Variants in PSTPIP1 observed in about 807,000 individuals in gnomAD.
PSTPIP1 encodes proline-serine-threonine phosphatase-interacting protein 1.
Under a neutral mutation model 69.6 loss-of-function variants are expected in PSTPIP1, and 66 were observed. That is an observed-to-expected ratio of 0.95 (90% CI 0.78 to 1.16). The LOEUF (loss-of-function observed/expected upper bound fraction) is 1.16, where lower values mean the gene tolerates loss of function less well. PSTPIP1 is among the 50% of genes most tolerant of loss of function. The probability of loss-of-function intolerance (pLI) is 0.00; values close to 1 mark genes in which losing one functional copy is unlikely to be tolerated. For synonymous variants in PSTPIP1, 266 were observed against 222.7 expected (o/e 1.19, Z -1.73); for missense variants, 603 against 557.4 (o/e 1.08, Z -0.82).
rs1044456105 is a variant in PSTPIP1, at chr15:77,029,515, C to T, written c.517-14C>T. 1 of 1,572,956 alleles carries T rather than the reference C, an allele frequency of 6.4e-7. No individual in the cohort carries two copies. The highest frequency in any genetic ancestry group is 1.4e-5 in the African/African-American group (1 of 73,950). The stretch of plus-strand genomic sequence containing the variant: ...GGGCAGGGGCTTAGCGCTGCTTCCC[C>T]TCTGTTTCCTCAGAGTCAGAACAAA... On this transcript the variant is annotated splice_polypyrimidine_tract_variant and intron_variant, in intron 7 of 14. Coordinates refer to ENST00000558012, the MANE Select transcript of PSTPIP1 (RefSeq NM_003978.5).
chr15:77,000,145 C>T (rs1377040809), intron 1 of PSTPIP1, among the ~76,000 whole-genome samples: 1 of 152,196 alleles, frequency 6.6e-6, no homozygotes, highest in Non-Finnish European at 1.5e-5. Flanking sequence ...AGCTGAGCCT[C>T]CCCAAGCCCA....
chr15:77,028,379 C>A (rs751147841), intron 6 of PSTPIP1, 175 bp from the exon 7 acceptor site: 3 of 568,728 alleles, frequency 5.3e-6, no homozygotes, highest in Non-Finnish European at 9.4e-6. Flanking sequence ...CAGCAGCCCC[C>A]ACGCCTTCTC....
At chr15:77,015,873 G>A in intron 1 of PSTPIP1, 2 of 453,810 alleles carry the variant, frequency 4.4e-6, no homozygotes, top group South Asian at 1.6e-5. Context: ...CCTGCCAGCA[G>A]CCCAAAGCTC....
At position 77,028,363 on chromosome 15, in the gene PSTPIP1, G is replaced by A. The variant is rs999177834; in HGVS notation, c.418-191G>A. 13 of 553,310 alleles carry A rather than the reference G, an allele frequency of 2.3e-5. No individual in the cohort carries two copies. The African/African-American group carries it at 2.5e-4, about 11-fold the overall frequency. The allele number at this position is 553,310 out of a possible 1,614,324, so 34.3% of individuals were successfully genotyped here. A position where few individuals can be genotyped will look rare whatever the true frequency, so the allele number is the denominator to read the frequency against. On this transcript the variant is annotated intron_variant, in intron 6 of 14. Coordinates refer to ENST00000558012, the MANE Select transcript of PSTPIP1 (RefSeq NM_003978.5). ...CTCAGTGGGGAGGGCCTGAGAGCAG[G>A]ACTACCAGCAGCCCCCACGCCTTCT... is the stretch of plus-strand genomic sequence containing the variant.
chr15:77,030,887 A>C (rs1008387435), intron 9 of PSTPIP1, among the ~76,000 whole-genome samples: 4 of 152,194 alleles, frequency 2.6e-5, no homozygotes, highest in African/African-American at 9.6e-5. Flanking sequence ...GGGCCTGGGG[A>C]ACAGGGCTCA....
intron 1 of PSTPIP1, among the ~76,000 whole-genome samples, chr15:77,002,068 T>G (rs1250616815): frequency 6.6e-6 from 1 of 152,282 alleles, no homozygotes; most frequent in African/African-American, 2.4e-5. Flanking sequence ...CATCATCCCC[T>G]GAGGAGCAGC....
At chr15:77,002,310 CTTTAA>C (rs535671830) in intron 1 of PSTPIP1, among the ~76,000 whole-genome samples, 3 of 152,232 alleles carry the variant, frequency 2.0e-5, no homozygotes, top group Non-Finnish European at 4.4e-5. Context: ...CTTGCTTCTA[CTTTAA>C]TTTGTGTAGG....
At chr15:77,031,452 CTCA>C in intron 10 of PSTPIP1, 174 bp downstream of exon 10, 1 of 592,302 alleles carries the variant, frequency 1.7e-6, no homozygotes, top group Non-Finnish European at 3.0e-6. Context: ...AAGACAGGAG[CTCA>C]GTACCACACA....
intron 10 of PSTPIP1, 52 bp downstream of exon 10, chr15:77,031,330 C>A: frequency 1.3e-6 from 2 of 1,562,784 alleles, no homozygotes; most frequent in Non-Finnish European, 1.8e-6. Context: ...CTCTAGGCAG[C>A]AAAGCACCCA....
At chr15:77,020,593 G>A (rs1292934871) in intron 3 of PSTPIP1, among the ~76,000 whole-genome samples, 4 of 152,184 alleles carry the variant, frequency 2.6e-5, no homozygotes. Flanking sequence ...GATGGGTCAG[G>A]AGGATTCACT....
At chr15:77,030,376 C>A in intron 8 of PSTPIP1, 126 bp from the exon 9 acceptor site, 1 of 961,706 alleles carries the variant, frequency 1.0e-6, no homozygotes, top group Non-Finnish European at 1.6e-6. Context: ...CCGCCATCTG[C>A]TAGGGCAGGT....
chr15:77,014,721 C>T (rs561650104), intron 1 of PSTPIP1, among the ~76,000 whole-genome samples: 7 of 152,336 alleles, frequency 4.6e-5, no homozygotes, highest in South Asian at 4.1e-4. Flanking sequence ...GGGCCCTGGC[C>T]GGCTCACAGG....
At chr15:77,000,429 G>A (rs1265147305) in intron 1 of PSTPIP1, among the ~76,000 whole-genome samples, 1 of 148,976 alleles carries the variant, frequency 6.7e-6, no homozygotes, top group Non-Finnish European at 1.5e-5. Flanking sequence ...CATTTGCTGG[G>A]CACCTGTTCC....
At chr15:77,001,501 G>A (rs2075706784) in intron 1 of PSTPIP1, among the ~76,000 whole-genome samples, 1 of 152,254 alleles carries the variant, frequency 6.6e-6, no homozygotes, top group African/African-American at 2.4e-5. Flanking sequence ...TGAGGGCCAA[G>A]GAGGCCAGTG....
At chr15:76,999,282 CT>C (rs35274013) in intron 1 of PSTPIP1, among the ~76,000 whole-genome samples, 2,063 of 144,712 alleles carry the variant, frequency 0.014, 43 homozygotes, top group African/African-American at 0.047. Flanking sequence ...CTTCATTTCA[CT>C]TTTTTTTTTT....
chr15:77,032,259 T>C (rs1340412273), intron 10 of PSTPIP1, 39 bp from the exon 11 acceptor site: 1 of 1,594,866 alleles, frequency 6.3e-7, no homozygotes. Flanking sequence ...AGGGGCAGAG[T>C]GGGCATCGGG....
At chr15:76,997,409 TC>T (rs1022379690) in intron 1 of PSTPIP1, among the ~76,000 whole-genome samples, 1 of 151,292 alleles carries the variant, frequency 6.6e-6, no homozygotes, top group Non-Finnish European at 1.5e-5. Flanking sequence ...TTCTAATACC[TC>T]TTCCTGATGC....
At chr15:77,003,193 C>T (rs1220111589) in intron 1 of PSTPIP1, among the ~76,000 whole-genome samples, 1 of 152,162 alleles carries the variant, frequency 6.6e-6, no homozygotes, top group Non-Finnish European at 1.5e-5. Context: ...GTGGGATGCC[C>T]TTCCTCCTCA....
In PSTPIP1 at chr15:77,035,844, G is replaced by T; in HGVS notation, c.1028G>T (p.Gly343Val). ...ACCCCCACCCCCGAGCGGAATGAGG[G>T]TGTCTACACAGCCATCGCAGTGCAG... ...TLTPTPERNEGVYTAIAVQEI... is the reference protein window; with the variant it reads ...TLTPTPERNEVVYTAIAVQEI... Residue 343 changes from glycine (G) to valine (V), a missense_variant, in exon 14 of 15, where the codon GGT (glycine) becomes GTT (valine). Gly to Val is a moderately radical substitution (Grantham distance 109). Coordinates refer to ENST00000558012, the MANE Select transcript of PSTPIP1 (RefSeq NM_003978.5). 6.2e-7 allele frequency: 1 copy of T among 1,610,542 alleles called. No homozygotes were observed. The highest frequency in any genetic ancestry group is 8.5e-7 in the Non-Finnish European group (1 of 1,179,688).
Sources: allele counts gnomAD v4.1 joint callset (sites outside exome capture counted in the v4.1 genomes callset), GRCh38; gene constraint gnomAD v4.1.1; transcripts MANE v1.5; gene names NCBI Gene and HGNC (gene_info 2026-07-23, HGNC 2026-07-21).